Variants in PDE10A observed in about 807,000 individuals in gnomAD.
PDE10A encodes cAMP and cAMP-inhibited cGMP 3',5'-cyclic phosphodiesterase 10A.
Under a neutral mutation model 97.7 loss-of-function variants are expected in PDE10A, and 39 were observed. The ratio of observed to expected loss-of-function variants is 0.40; its 90% CI spans 0.31 to 0.52. The LOEUF is 0.52. Ranked by LOEUF, PDE10A falls within the 20% of genes least tolerant of loss-of-function variation. The probability of loss-of-function intolerance (pLI) is 0.56; values close to 1 mark genes in which losing one functional copy is unlikely to be tolerated. For synonymous variants in PDE10A, 371 were observed against 376.8 expected (o/e 0.98, Z 0.18); for missense variants, 731 against 1,047.8 (o/e 0.70, Z 4.17).
At chr6:165,842,665 G>A (rs142095190) in intron 1 of PDE10A, among the ~76,000 whole-genome samples, 37 of 152,282 alleles carry the variant, frequency 2.4e-4, no homozygotes, top group Non-Finnish European at 3.5e-4. Context: ...GGCCAAGGAC[G>A]GTCATAAGCA....
intron 18 of PDE10A, among the ~76,000 whole-genome samples, chr6:165,353,329 C>T (rs867054437): frequency 6.6e-6 from 1 of 152,152 alleles, no homozygotes; most frequent in South Asian, 2.1e-4. Context: ...GTATTTCATA[C>T]AGTATGTCAT....
intron 5 of PDE10A, among the ~76,000 whole-genome samples, chr6:165,448,387 C>T (rs563525622): frequency 6.6e-6 from 1 of 152,106 alleles, no homozygotes; most frequent in Admixed American, 6.5e-5. Context: ...ACGCAGGATC[C>T]GGCCTGGTGG....
chr6:165,588,281 C>CTTTTTTTCTTTTTTTTTTTTT (rs1562606454), intron 1 of PDE10A, among the ~76,000 whole-genome samples: 1 of 37,032 alleles, frequency 2.7e-5, no homozygotes, highest in African/African-American at 5.7e-5. Flanking sequence ...ATTTTTTTTT[C>CTTTTTTTCTTTTTTTTTTTTT]TTTTTTTTTT....
At chr6:165,607,360 A>G (rs1437321838) in intron 1 of PDE10A, among the ~76,000 whole-genome samples, 4 of 152,214 alleles carry the variant, frequency 2.6e-5, no homozygotes, top group African/African-American at 9.6e-5. Flanking sequence ...TTGACTGATG[A>G]CGCAGTAGCC....
At chr6:165,762,279 C>T (rs1793270247) in intron 1 of PDE10A, among the ~76,000 whole-genome samples, 1 of 152,142 alleles carries the variant, frequency 6.6e-6, no homozygotes, top group Non-Finnish European at 1.5e-5. Context: ...GACTGATCTC[C>T]CATCTCTTTG....
intron 1 of PDE10A, among the ~76,000 whole-genome samples, chr6:165,826,293 C>G (rs941459160): frequency 1.9e-5 from 1 of 52,728 alleles, no homozygotes. Context: ...CCTCTGTCCC[C>G]ATGTCCGTCT....
chr6:165,613,632 C>A (rs1787597515), intron 1 of PDE10A, among the ~76,000 whole-genome samples: 1 of 152,054 alleles, frequency 6.6e-6, no homozygotes, highest in Non-Finnish European at 1.5e-5. Context: ...CAGAGCAAGA[C>A]CCTGTCTCAA....
chr6:165,817,160 G>T (rs900291612), intron 1 of PDE10A, among the ~76,000 whole-genome samples: 6 of 152,054 alleles, frequency 3.9e-5, no homozygotes, highest in African/African-American at 1.4e-4. Context: ...CTCTCTGCTT[G>T]CCTGTCACAT....
intron 1 of PDE10A, among the ~76,000 whole-genome samples, chr6:165,791,095 C>T: frequency 6.6e-6 from 1 of 152,038 alleles, no homozygotes; most frequent in Non-Finnish European, 1.5e-5. Flanking sequence ...CAGGTGCATA[C>T]CACCATGCCC....
At chr6:165,689,268 T>C (rs1791205526) in intron 1 of PDE10A, among the ~76,000 whole-genome samples, 1 of 152,238 alleles carries the variant, frequency 6.6e-6, no homozygotes, top group Admixed American at 6.5e-5. Context: ...CCCAGTGTTG[T>C]TTCAAGGGTT....
At chr6:165,931,861 A>ACT (rs1783146994) in intron 1 of PDE10A, among the ~76,000 whole-genome samples, 1 of 152,048 alleles carries the variant, frequency 6.6e-6, no homozygotes, top group Non-Finnish European at 1.5e-5. Flanking sequence ...CAGAGGAAAA[A>ACT]GCTCCAGGAG....
intron 6 of PDE10A, among the ~76,000 whole-genome samples, chr6:165,433,850 C>T (rs150936749): frequency 0.026 from 3,971 of 151,666 alleles, 177 homozygotes; most frequent in African/African-American, 0.089. Context: ...ACCATCTCTA[C>T]TAAAAATACA....
chr6:165,947,664 T>A (rs535661004), intron 1 of PDE10A, among the ~76,000 whole-genome samples: 1 of 152,336 alleles, frequency 6.6e-6, no homozygotes, highest in East Asian at 1.9e-4. Context: ...TAGCTTTTGC[T>A]TTTTGAGTTT....
At chr6:165,597,217 T>C (rs755401572) in intron 1 of PDE10A, among the ~76,000 whole-genome samples, 1 of 152,144 alleles carries the variant, frequency 6.6e-6, no homozygotes, top group Non-Finnish European at 1.5e-5. Context: ...AAAAAGTTCT[T>C]GGCACATAGT....
At chr6:165,806,067 A>AAT in intron 1 of PDE10A, among the ~76,000 whole-genome samples, 2 of 149,704 alleles carry the variant, frequency 1.3e-5, no homozygotes, top group South Asian at 2.1e-4. Flanking sequence ...AAAAAAAAAA[A>AAT]AAAGATCAAA....
At chr6:165,403,133 C>T (rs750154318) in intron 13 of PDE10A, among the ~76,000 whole-genome samples, 4 of 152,108 alleles carry the variant, frequency 2.6e-5, no homozygotes, top group Non-Finnish European at 5.9e-5. Flanking sequence ...TGGAATAACA[C>T]GGGGAAAGGC....
At chr6:165,349,789 G>A (rs572164591) in intron 18 of PDE10A, among the ~76,000 whole-genome samples, 3 of 152,172 alleles carry the variant, frequency 2.0e-5, no homozygotes, top group Non-Finnish European at 2.9e-5. Context: ...CAGTGGTGAC[G>A]AAAAGGGGCC....
intron 1 of PDE10A, among the ~76,000 whole-genome samples, chr6:165,842,834 G>A (rs749840318): frequency 7.2e-5 from 11 of 152,222 alleles, no homozygotes; most frequent in Non-Finnish European, 1.2e-4. Flanking sequence ...AACGGACTTG[G>A]AATGAGAGCA....
At chr6:165,821,774 C>A (rs1178287108) in intron 1 of PDE10A, among the ~76,000 whole-genome samples, 1 of 152,126 alleles carries the variant, frequency 6.6e-6, no homozygotes, top group African/African-American at 2.4e-5. Flanking sequence ...AACTCCTGGG[C>A]TCAAGTGATC....
Sources: gnomAD v4.1 joint callset for allele counts (sites outside exome capture counted in the v4.1 genomes callset) on GRCh38, gnomAD v4.1.1 for gene constraint, MANE v1.5 for transcripts, NCBI Gene and HGNC (gene_info 2026-07-23, HGNC 2026-07-21) for gene names.